SLC7A14: variants seen among roughly 807,000 people sequenced by gnomAD.
SLC7A14 encodes solute carrier family 7 member 14.
Under a neutral mutation model 60.2 loss-of-function variants are expected in SLC7A14, and 37 were observed. The observed-to-expected ratio is 0.61, with a 90% confidence interval of 0.47 to 0.81. The LOEUF (loss-of-function observed/expected upper bound fraction) is 0.81, where lower values mean the gene tolerates loss of function less well. Among genes scored for constraint, SLC7A14 ranks in the 30% least tolerant of loss-of-function variants. The pLI, the probability that SLC7A14 is intolerant of heterozygous loss-of-function variation, is 0.00. For synonymous variants in SLC7A14, 399 were observed against 395.8 expected, an observed-to-expected ratio of 1.01 and a Z score of -0.10; for missense variants, 886 against 982.7, an observed-to-expected ratio of 0.90 and a Z score of 1.32.
rs936324573 is a variant in SLC7A14, at chr3:170,463,400, G to C, written c.*3655C>G. 2.0e-5 allele frequency: 3 copies of C among 151,970 alleles called. No homozygotes were observed. Among genetic ancestry groups the C allele is most frequent in the African/African-American group, 7.3e-5 (3 of 41,364 alleles). 9.4% of individuals were successfully genotyped at this position (151,970 alleles called of 1,614,324 possible). On this transcript the variant is annotated 3_prime_UTR_variant, in exon 8 of 8. Transcript: ENST00000231706. ...CCAACACAAGTGTGACATTCTTTAT[G>C]ACCTTTCCAGAGGAAGAAGGCCTTC...
chr3:170,543,499 A>G (rs1714081922), intron 1 of SLC7A14, among the ~76,000 whole-genome samples: 1 of 151,680 alleles, frequency 6.6e-6, no homozygotes, highest in African/African-American at 2.4e-5. Flanking sequence ...AAAATACAAA[A>G]TTAGCTGGGA....
chr3:170,558,603 G>A (rs911380619), intron 1 of SLC7A14, among the ~76,000 whole-genome samples: 1 of 152,086 alleles, frequency 6.6e-6, no homozygotes, highest in Non-Finnish European at 1.5e-5. Flanking sequence ...AAGGTATCTG[G>A]GAAAATAGCC....
Position 170,463,935 on chromosome 3 carries a change from A to T in SLC7A14, c.*3120T>A, listed in dbSNP as rs1196047895. The T allele has an allele frequency of 6.6e-6, 1 of 152,194 alleles. No homozygotes were observed. Among genetic ancestry groups the T allele is most frequent in the Non-Finnish European group, 1.5e-5 (1 of 68,028 alleles). 9.4% of individuals were successfully genotyped at this position (152,194 alleles called of 1,614,324 possible). A position where few individuals can be genotyped will look rare whatever the true frequency, so the allele number is the denominator to read the frequency against. On this transcript the variant is annotated 3_prime_UTR_variant, in exon 8 of 8. Transcript: ENST00000231706. ...TATGCTATTTCAAACCTCTACCTGC[A>T]TGGGGAAAGATTTGTTCTTATCATG...
At chr3:170,574,056 G>C (rs1715022316) in intron 1 of SLC7A14, among the ~76,000 whole-genome samples, 3 of 152,158 alleles carry the variant, frequency 2.0e-5, no homozygotes, top group Non-Finnish European at 2.9e-5. Context: ...TTAAGCTTCT[G>C]TACCTAATTA....
chr3:170,583,131 C>T (rs1384565797), intron 1 of SLC7A14, among the ~76,000 whole-genome samples: 2 of 152,112 alleles, frequency 1.3e-5, no homozygotes, highest in Non-Finnish European at 2.9e-5. Context: ...TGGGCAGTTG[C>T]TTAGGGTAAC....
At position 170,525,124 on chromosome 3, in the gene SLC7A14, C is replaced by T. The variant is rs142407719; in HGVS notation, c.304+1509G>A. ...ACTTCTCCTGAAATATTCGAAGAGA[C>T]CAAGACATTTGCTGTCAGTACATGG... On this transcript the variant is annotated intron_variant, in intron 2 of 7. Coordinates refer to ENST00000231706, the MANE Select transcript of SLC7A14 (RefSeq NM_020949.3). Among the ~76,000 whole-genome samples, 289 of 152,310 alleles carry T rather than the reference C, an allele frequency of 1.9e-3. 2 individuals are homozygous for T. Among genetic ancestry groups the T allele is most frequent in the African/African-American group, 5.6e-3 (231 of 41,580 alleles).
intron 1 of SLC7A14, among the ~76,000 whole-genome samples, chr3:170,577,073 A>G (rs1351494526): frequency 6.6e-6 from 1 of 152,214 alleles, no homozygotes; most frequent in African/African-American, 2.4e-5. Context: ...GACTGAAAGG[A>G]TGGAAAACCC....
rs1261435562 is a variant in SLC7A14 at position 170,572,078 on chromosome 3, A to AG, written c.-153+13832_-153+13833insC. ...TCTGTCTCAAAAAAAAAAAAAAAAA[A>AG]AAAGAAAGAAAGAAAGAAAAAGTAA... On this transcript the variant is annotated intron_variant, in intron 1 of 7. Coordinates refer to ENST00000231706, the MANE Select transcript of SLC7A14 (RefSeq NM_020949.3). 9.6e-3 allele frequency among the ~76,000 whole-genome samples: 1,439 copies of AG among 149,694 alleles called. 32 individuals carry two copies. The highest frequency in any genetic ancestry group is 0.034 in the African/African-American group (1,338 of 39,574).
At position 170,459,800 on chromosome 3, in the gene SLC7A14, T is replaced by C. The variant is rs971040547; in HGVS notation, c.*7255A>G. 5 of 152,198 alleles carry C rather than the reference T, an allele frequency of 3.3e-5. No individual in the cohort carries two copies. Among genetic ancestry groups the C allele is most frequent in the Non-Finnish European group, 7.3e-5 (5 of 68,044 alleles). 9.4% of individuals were successfully genotyped at this position (152,198 alleles called of 1,614,324 possible). A position where few individuals can be genotyped will look rare whatever the true frequency, so the allele number is the denominator to read the frequency against. ...AGGCTCCTTTTTCTTTTCTTTCTTT[T>C]TTTTTGGTAGTCTCGTGTAAAAGCT... On this transcript the variant is annotated 3_prime_UTR_variant, in exon 8 of 8. Coordinates refer to ENST00000231706, the MANE Select transcript of SLC7A14 (RefSeq NM_020949.3).
chr3:170,532,682 T>TTTG lies in SLC7A14; in HGVS notation c.-152-5597_-152-5595dup, dbSNP rs1356374740. Among the ~76,000 whole-genome samples the TTTG allele has an allele frequency of 6.6e-6, 1 of 150,664 alleles. No individual in the cohort carries two copies. The highest frequency in any genetic ancestry group is 6.6e-5 in the Admixed American group (1 of 15,190). ...GCCCCTGACCAGGTGTTTTTTTTTT[T>TTTG]TTGTTGTTGTTGTTCCCTGCTACTG... On this transcript the variant is annotated intron_variant, in intron 1 of 7. Transcript: ENST00000231706. The surrounding 1 kb of genome is among the most constrained non-coding windows in gnomAD (Gnocchi z 4.0).
chr3:170,479,638 T>C (rs559821219), intron 7 of SLC7A14, among the ~76,000 whole-genome samples: 2 of 152,256 alleles, frequency 1.3e-5, no homozygotes, highest in Admixed American at 1.3e-4. Flanking sequence ...AGAAAATCAG[T>C]AAGGATGGTG....
rs1323434619 is a variant in SLC7A14 at position 170,501,164 on chromosome 3, G to A, written c.486C>T (p.Ala162=). 6.2e-7 allele frequency: 1 copy of A among 1,614,098 alleles called. No homozygotes were observed. The highest frequency in any genetic ancestry group is 8.5e-7 in the Non-Finnish European group (1 of 1,180,054). Residue 162 remains alanine, a synonymous_variant, in exon 3 of 8, where the codon GCC becomes GCT. Transcript: ENST00000231706. ...CCATCCAGCGGCTGATGGTGTGGTT[G>A]GCTAGTGAGTCAAACATGCTGCTCA... ...SALSSMFDSL[A]NHTISRWMAD...
intron 1 of SLC7A14, among the ~76,000 whole-genome samples, chr3:170,576,789 C>T (rs1369806695): frequency 6.6e-6 from 1 of 152,140 alleles, no homozygotes; most frequent in Admixed American, 6.5e-5. Context: ...GGATATTTAA[C>T]ATTCTAGATC....
In SLC7A14 at chr3:170,471,089, G is replaced by GT. The variant is rs1215972261; in HGVS notation, c.1994-3713_1994-3712insA. On this transcript the variant is annotated intron_variant, in intron 7 of 7. Transcript: ENST00000231706. The stretch of plus-strand genomic sequence containing the variant: ...GACTCCCTTTAACCTGTCTGGGAAG[G>GT]GGTGTGTGTGTGTGTGTGTGTGTGT... Among the ~76,000 whole-genome samples, 915 of 142,730 alleles carry GT rather than the reference G, an allele frequency of 6.4e-3. 10 individuals are homozygous for GT. Among genetic ancestry groups the GT allele is most frequent in the African/African-American group, 0.024 (866 of 35,436 alleles). 93.6% of individuals were successfully genotyped at this position (142,730 alleles called of 152,430 possible).
At chr3:170,501,017 T>C in intron 3 of SLC7A14, 92 bp downstream of exon 3, 1 of 1,185,212 alleles carries the variant, frequency 8.4e-7, no homozygotes, top group Non-Finnish European at 1.2e-6. Context: ...AGGCTTTTGA[T>C]ACATTTTGCC....
rs761869185 is a variant in SLC7A14, at chr3:170,501,258, A to G, written c.392T>C (p.Val131Ala). The change falls in exon 3 of 8, where the codon GTG (valine) becomes GCG (alanine). Residue 131 changes from valine (V) to alanine (A), a missense_variant. Val to Ala is a moderately conservative substitution (Grantham distance 64). Coordinates refer to ENST00000231706, the MANE Select transcript of SLC7A14 (RefSeq NM_020949.3). ...CAGGTTCCAGCCAATGAAAAATGCC[A>G]CAAATTCCCCAACAGTGACATAGCT... Reference protein sequence around the residue: ...TYSYVTVGEFVAFFIGWNLIL... With the variant: ...TYSYVTVGEFAAFFIGWNLIL... The G allele has an allele frequency of 3.7e-5, 59 of 1,614,104 alleles. No individual in the cohort carries two copies. The highest frequency in any genetic ancestry group is 5.0e-5 in the Non-Finnish European group (59 of 1,180,030).
At chr3:170,539,040 A>G (rs1225282018) in intron 1 of SLC7A14, among the ~76,000 whole-genome samples, 1 of 152,248 alleles carries the variant, frequency 6.6e-6, no homozygotes, top group East Asian at 1.9e-4. Flanking sequence ...CTTGAGAGCT[A>G]GGATCTCTTC....
In SLC7A14 at chr3:170,501,224, C is replaced by T; in HGVS notation, c.426G>A (p.Glu142=). 1.2e-6 allele frequency: 2 copies of T among 1,614,246 alleles called. No homozygotes were observed. The highest frequency in any genetic ancestry group is 1.1e-5 in the South Asian group (1 of 91,088). Residue 142 remains glutamate (E), a synonymous_variant, in exon 3 of 8, where the codon GAG becomes GAA. Coordinates refer to ENST00000231706, the MANE Select transcript of SLC7A14 (RefSeq NM_020949.3). ...CTCCGGCCGCAGTGCCAATCAGGTACTCCAGGATCAGGTTCCAGCCAATGA... is the reference window on the plus strand; with the variant it reads ...CTCCGGCCGCAGTGCCAATCAGGTATTCCAGGATCAGGTTCCAGCCAATGA... ...AFFIGWNLIL[E]YLIGTAAGAS... is the part of the protein sequence containing the mutation.
intron 6 of SLC7A14, among the ~76,000 whole-genome samples, chr3:170,482,094 G>A (rs996034947): frequency 2.0e-5 from 3 of 152,144 alleles, no homozygotes; most frequent in Non-Finnish European, 2.9e-5. Flanking sequence ...TTGAGAAACT[G>A]TGCTCGTAGA....
Sources: gnomAD v4.1 joint callset for allele counts (sites outside exome capture counted in the v4.1 genomes callset) on GRCh38, gnomAD v4.1.1 for gene constraint, Gnocchi (gnomAD v3.1) non-coding constraint, MANE v1.5 for transcripts, NCBI Gene and HGNC (gene_info 2026-07-23, HGNC 2026-07-21) for gene names.